SPRR2D: variants seen among roughly 807,000 people sequenced by gnomAD.
SPRR2D encodes the protein small proline rich protein 2D.
For missense variants in SPRR2D, 81 were observed against 87.2 expected (o/e 0.93, Z 0.28); for synonymous variants, 43 against 32.8 (o/e 1.31, Z -1.06).
In SPRR2D at chr1:153,040,551, A is replaced by C. The variant is rs1653963661; in HGVS notation, c.-19-186T>G. 6.6e-6 allele frequency: 7 copies of C among 1,056,568 alleles called. No individual in the cohort carries two copies. In the South Asian group the frequency reaches 1.2e-4, roughly 18 times the overall value. The allele number at this position is 1,056,568 out of a possible 1,614,324, so 65.4% of individuals were successfully genotyped here. Reference sequence around the variant, plus strand: ...GCAAATTGCTTCATTGGCCCTGGGAAATCTTGTGTTTTCTCATACAATTTT... The same window carrying C: ...GCAAATTGCTTCATTGGCCCTGGGACATCTTGTGTTTTCTCATACAATTTT... On this transcript the variant is annotated intron_variant, in intron 1 of 1. Transcript: ENST00000360379.
At chr1:153,040,756 G>A in intron 1 of SPRR2D, 1 of 235,808 alleles carries the variant, frequency 4.2e-6, no homozygotes, top group South Asian at 6.6e-5. Flanking sequence ...GGGCTGTTTG[G>A]GAAGGATTGC....
Position 153,040,162 on chromosome 1 carries a change from G to C in SPRR2D, c.185C>G (p.Pro62Arg), listed in dbSNP as rs1398350260. The C allele has an allele frequency of 1.9e-6, 3 of 1,613,010 alleles. No homozygotes were observed. Among genetic ancestry groups the C allele is most frequent in the Non-Finnish European group, 2.5e-6 (3 of 1,179,850 alleles). The change falls in exon 2 of 2, where the codon CCC (proline) becomes CGC (arginine). Residue 62 changes from proline to arginine, a missense_variant. By Grantham distance (103) the Pro-to-Arg change is moderately radical. Transcript: ENST00000360379. ...QKYPPVTPSP[P>R]CQPKCPPKSK ...CTTGGGTGGACACTTTGGCTGGCAG[G>C]GTGGGGAAGGTGTCACAGGAGGATA...
At position 153,039,744 on chromosome 1, in the gene SPRR2D, T is replaced by C. The variant is rs1302433162; in HGVS notation, c.*384A>G. On this transcript the variant is annotated 3_prime_UTR_variant, in exon 2 of 2. Coordinates refer to ENST00000360379, the MANE Select transcript of SPRR2D (RefSeq NM_006945.5). ...CCATTCACAAATATATATGCATAGA[T>C]ACTTTATTCAGGGAGTGAAAGATAA... The C allele has an allele frequency of 8.0e-6, 3 of 374,680 alleles. No homozygotes were observed. The highest frequency in any genetic ancestry group is 1.4e-5 in the Non-Finnish European group (3 of 210,606). 23.2% of individuals were successfully genotyped at this position (374,680 alleles called of 1,614,324 possible). A position where few individuals can be genotyped will look rare whatever the true frequency, so the allele number is the denominator to read the frequency against.
chr1:153,040,100 C>T lies in SPRR2D; in HGVS notation c.*28G>A, dbSNP rs3204286. 38 of 1,606,004 alleles carry T rather than the reference C, an allele frequency of 2.4e-5. No individual in the cohort carries two copies. The highest frequency in any genetic ancestry group is 4.5e-5 in the South Asian group (4 of 89,268). ...GAGGTGAGCCAATTATCCTTATCCT[C>T]TCATGCTCCTGATGAATCCTGAAGC... On this transcript the variant is annotated 3_prime_UTR_variant, in exon 2 of 2. Transcript: ENST00000360379.
In SPRR2D at chr1:153,040,285, G is replaced by A; in HGVS notation, c.62C>T (p.Pro21Leu). Residue 21 changes from proline (P) to leucine (L), a missense_variant, in exon 2 of 2, where the codon CCA (proline) becomes CTA (leucine). Coordinates refer to ENST00000360379, the MANE Select transcript of SPRR2D (RefSeq NM_006945.5). ...PCQPPPVCPT[P>L]KCPEPCPPPK... is the part of the protein sequence containing the mutation. ...GGGTGGACATGGCTCTGGGCACTTT[G>A]GCGTGGGGCACACAGGAGGTGGCTG... 6.2e-7 allele frequency: 1 copy of A among 1,612,324 alleles called. No homozygotes were observed. Among genetic ancestry groups the A allele is most frequent in the Middle Eastern group, 2.1e-4 (1 of 4,768 alleles).
Position 153,039,895 on chromosome 1 carries a change from T to G in SPRR2D, c.*233A>C. 1.2e-6 allele frequency: 1 copy of G among 801,414 alleles called. No homozygotes were observed. Among genetic ancestry groups the G allele is most frequent in the Non-Finnish European group, 1.9e-6 (1 of 524,504 alleles). 49.6% of individuals were successfully genotyped at this position (801,414 alleles called of 1,614,324 possible). ...CTCTTTCTTCCGAAGCTCTGGGAGC[T>G]GGCACAGCTGAGGACTTCCTTTTCT... On this transcript the variant is annotated 3_prime_UTR_variant, in exon 2 of 2. Coordinates refer to ENST00000360379, the MANE Select transcript of SPRR2D (RefSeq NM_006945.5).
rs924506410 is a variant in SPRR2D at position 153,039,917 on chromosome 1, T to C, written c.*211A>G. ...AGCTGGCACAGCTGAGGACTTCCTT[T>C]TCTTAGCTCCACCTGGACAGTGGCA... On this transcript the variant is annotated 3_prime_UTR_variant, in exon 2 of 2. Coordinates refer to ENST00000360379, the MANE Select transcript of SPRR2D (RefSeq NM_006945.5). The C allele has an allele frequency of 1.9e-4, 195 of 1,040,734 alleles. No individual in the cohort carries two copies. Among genetic ancestry groups the C allele is most frequent in the Non-Finnish European group, 2.6e-4 (187 of 733,268 alleles). 64.5% of individuals were successfully genotyped at this position (1,040,734 alleles called of 1,614,324 possible). A position where few individuals can be genotyped will look rare whatever the true frequency, so the allele number is the denominator to read the frequency against.
chr1:153,040,082 G>A lies in SPRR2D; in HGVS notation c.*46C>T. The A allele has an allele frequency of 6.3e-7, 1 of 1,586,200 alleles. No homozygotes were observed. Among genetic ancestry groups the A allele is most frequent in the Non-Finnish European group, 8.6e-7 (1 of 1,165,734 alleles). ...CAAGTGGAGCTGTGGAACGAGGTGAGCCAATTATCCTTATCCTCTCATGCT... is the reference window on the plus strand; with the variant it reads ...CAAGTGGAGCTGTGGAACGAGGTGAACCAATTATCCTTATCCTCTCATGCT... On this transcript the variant is annotated 3_prime_UTR_variant, in exon 2 of 2. Coordinates refer to ENST00000360379, the MANE Select transcript of SPRR2D (RefSeq NM_006945.5).
chr1:153,039,965 A>G lies in SPRR2D; in HGVS notation c.*163T>C. 1 of 1,372,088 alleles carries G rather than the reference A, an allele frequency of 7.3e-7. No homozygotes were observed. The highest frequency in any genetic ancestry group is 9.9e-7 in the Non-Finnish European group (1 of 1,014,842). 85.0% of individuals were successfully genotyped at this position (1,372,088 alleles called of 1,614,324 possible). On this transcript the variant is annotated 3_prime_UTR_variant, in exon 2 of 2. Coordinates refer to ENST00000360379, the MANE Select transcript of SPRR2D (RefSeq NM_006945.5). ...GCAGTATGGCAGCCTCAGAAAGGGA[A>G]TCTTTTGCTGTCACAGATCATCACA...
In SPRR2D at chr1:153,040,350, G is replaced by T. The variant is rs190689272; in HGVS notation, c.-4C>A. Reference sequence around the variant, plus strand: ...ACTGCTGCTGTTGATAAGACATCCTGCTGGAGTCTCAGGATCTGAAAGAAA... The same window carrying T: ...ACTGCTGCTGTTGATAAGACATCCTTCTGGAGTCTCAGGATCTGAAAGAAA... On this transcript the variant is annotated 5_prime_UTR_variant, in exon 2 of 2. Coordinates refer to ENST00000360379, the MANE Select transcript of SPRR2D (RefSeq NM_006945.5). 6.9e-4 allele frequency: 1,111 copies of T among 1,611,488 alleles called. 2 individuals carry two copies. The African/African-American group carries it at 0.011, about 16-fold the overall frequency.
chr1:153,040,167 G>A lies in SPRR2D; in HGVS notation c.180C>T (p.Ser60=), dbSNP rs879118178. ...GTGGACACTTTGGCTGGCAGGGTGGGGAAGGTGTCACAGGAGGATATTTCT... is the reference window on the plus strand; with the variant it reads ...GTGGACACTTTGGCTGGCAGGGTGGAGAAGGTGTCACAGGAGGATATTTCT... ...CQQKYPPVTP[S]PPCQPKCPPK... Residue 60 remains serine (S), a synonymous_variant, in exon 2 of 2, where the codon TCC becomes TCT. Transcript: ENST00000360379. The A allele has an allele frequency of 1.2e-6, 2 of 1,613,032 alleles. No homozygotes were observed. Among genetic ancestry groups the A allele is most frequent in the Non-Finnish European group, 1.7e-6 (2 of 1,179,848 alleles).
rs1373643356 is a variant in SPRR2D at position 153,040,431 on chromosome 1, T to C, written c.-19-66A>G. ...CTCCAGAGAGAGAAGCTAATGCTTA[T>C]GTAATACCATGAAATATTATTTCCC... On this transcript the variant is annotated intron_variant, in intron 1 of 1. Transcript: ENST00000360379. 7 of 1,593,800 alleles carry C rather than the reference T, an allele frequency of 4.4e-6. No homozygotes were observed. The East Asian group carries it at 6.7e-5, about 15-fold the overall frequency.
Position 153,040,174 on chromosome 1 carries a change from G to A in SPRR2D, c.173C>T (p.Thr58Ile), listed in dbSNP as rs754988281. ...QQCQQKYPPV[T>I]PSPPCQPKCP... ...CTTTGGCTGGCAGGGTGGGGAAGGT[G>A]TCACAGGAGGATATTTCTGCTGGCA... The change falls in exon 2 of 2, where the codon ACA becomes ATA. Residue 58 changes from threonine to isoleucine, a missense_variant. Physicochemically the swap from Thr to Ile is moderately conservative, Grantham distance 89. Coordinates refer to ENST00000360379, the MANE Select transcript of SPRR2D (RefSeq NM_006945.5). The A allele has an allele frequency of 1.9e-6, 3 of 1,612,932 alleles. No individual in the cohort carries two copies. Among genetic ancestry groups the A allele is most frequent in the African/African-American group, 2.7e-5 (2 of 74,882 alleles).
In SPRR2D at chr1:153,039,996, G is replaced by A. The variant is rs3204293; in HGVS notation, c.*132C>T. 31 of 1,483,728 alleles carry A rather than the reference G, an allele frequency of 2.1e-5. No homozygotes were observed. The highest frequency in any genetic ancestry group is 1.2e-4 in the South Asian group (9 of 74,880). The allele number at this position is 1,483,728 out of a possible 1,614,324, so 91.9% of individuals were successfully genotyped here. On this transcript the variant is annotated 3_prime_UTR_variant, in exon 2 of 2. Coordinates refer to ENST00000360379, the MANE Select transcript of SPRR2D (RefSeq NM_006945.5). ...TGCTGTCACAGATCATCACAGGCAGGCCACAGGTTAAGGAGAAAGAAGCTC... is the reference window on the plus strand; with the variant it reads ...TGCTGTCACAGATCATCACAGGCAGACCACAGGTTAAGGAGAAAGAAGCTC...
intron 1 of SPRR2D, chr1:153,040,729 C>A: frequency 3.0e-6 from 1 of 329,214 alleles, no homozygotes; most frequent in Admixed American, 4.7e-5. Context: ...AGTGGGTTGA[C>A]TTGAGCACAG....
chr1:153,039,946 T>C lies in SPRR2D; in HGVS notation c.*182A>G. 1 of 1,249,872 alleles carries C rather than the reference T, an allele frequency of 8.0e-7. No individual in the cohort carries two copies. Among genetic ancestry groups the C allele is most frequent in the Non-Finnish European group, 1.1e-6 (1 of 912,568 alleles). The allele number at this position is 1,249,872 out of a possible 1,614,324, so 77.4% of individuals were successfully genotyped here. A position where few individuals can be genotyped will look rare whatever the true frequency, so the allele number is the denominator to read the frequency against. ...TAGCTCCACCTGGACAGTGGCAGTA[T>C]GGCAGCCTCAGAAAGGGAATCTTTT... is the stretch of plus-strand genomic sequence containing the variant. On this transcript the variant is annotated 3_prime_UTR_variant, in exon 2 of 2. Coordinates refer to ENST00000360379, the MANE Select transcript of SPRR2D (RefSeq NM_006945.5).
rs1048273 is a variant in SPRR2D at position 153,040,147 on chromosome 1, C to T, written c.200G>A (p.Cys67Tyr). The change falls in exon 2 of 2, where the codon TGT (cysteine) becomes TAT (tyrosine). Residue 67 changes from cysteine (C) to tyrosine (Y), a missense_variant. Transcript: ENST00000360379. ...VTPSPPCQPK[C>Y]PPKSK ...AAGCTGTTACTTGCTCTTGGGTGGA[C>T]ACTTTGGCTGGCAGGGTGGGGAAGG... The T allele has an allele frequency of 3.7e-5, 60 of 1,612,704 alleles. No homozygotes were observed. Among genetic ancestry groups the T allele is most frequent in the Middle Eastern group, 3.8e-4 (2 of 5,236 alleles).
rs774463483 is a variant in SPRR2D at position 153,040,386 on chromosome 1, G to T, written c.-19-21C>A. On this transcript the variant is annotated intron_variant, in intron 1 of 1. Coordinates refer to ENST00000360379, the MANE Select transcript of SPRR2D (RefSeq NM_006945.5). ...AGGATCTGAAAGAAATGATACAACA[G>T]TGTTTGTGGGAAGGGACTCCTCCAG... is the stretch of plus-strand genomic sequence containing the variant. The T allele has an allele frequency of 3.7e-5, 59 of 1,609,422 alleles. No homozygotes were observed. The East Asian group carries it at 1.3e-3, about 36-fold the overall frequency.
intron 1 of SPRR2D, chr1:153,040,864 C>G (rs904307718): frequency 2.2e-5 from 4 of 179,532 alleles, no homozygotes; most frequent in Non-Finnish European, 4.8e-5. Flanking sequence ...CAATTCAAAG[C>G]TTTCCTATTA....
Sources: allele counts gnomAD v4.1 joint callset, GRCh38; gene constraint gnomAD v4.1.1; transcripts MANE v1.5; gene names NCBI Gene and HGNC (gene_info 2026-07-23, HGNC 2026-07-21).